Variants in EYA3 observed in about 807,000 individuals in gnomAD.
The protein encoded by EYA3 is protein phosphatase EYA3.
In EYA3, 39 loss-of-function variants were observed where a neutral mutation model predicts 80.0. The observed-to-expected ratio is 0.49, with a 90% confidence interval of 0.38 to 0.64. The LOEUF is 0.64. Ranked by LOEUF, EYA3 falls within the 30% of genes least tolerant of loss-of-function variation. The pLI, the probability that EYA3 is intolerant of heterozygous loss-of-function variation, is 0.00. For missense variants in EYA3, 523 were observed against 676.1 expected, an observed-to-expected ratio of 0.77 and a Z score of 2.51; for synonymous variants, 206 against 232.8, an observed-to-expected ratio of 0.88 and a Z score of 1.05.
Position 27,989,755 on chromosome 1 carries a change from C to T in EYA3, c.1360G>A (p.Val454Ile). Residue 454 changes from valine (V) to isoleucine (I), a missense_variant, in exon 15 of 18, where the codon GTT becomes ATT. Transcript: ENST00000373871. ...GTTCCTAACCAGGAATCTGTTAAAACTTCAATTTCTGCTCTTAATCTCTGC... is the reference window on the plus strand; with the variant it reads ...GTTCCTAACCAGGAATCTGTTAAAATTTCAATTTCTGCTCTTAATCTCTGC... ...ALQRLRAEIE[V>I]LTDSWLGTAL... 6.2e-7 allele frequency: 1 copy of T among 1,611,876 alleles called. No homozygotes were observed. The highest frequency in any genetic ancestry group is 8.5e-7 in the Non-Finnish European group (1 of 1,178,890).
intron 7 of EYA3, 69 bp from the exon 8 acceptor site, chr1:28,017,308 A>G: frequency 8.4e-7 from 1 of 1,183,896 alleles, no homozygotes; most frequent in Non-Finnish European, 1.2e-6. Context: ...CTGAAAATAG[A>G]TGTGTTTTAA....
intron 1 of EYA3, among the ~76,000 whole-genome samples, chr1:28,076,631 G>A (rs1198819000): frequency 1.8e-4 from 24 of 133,490 alleles, no homozygotes; most frequent in Admixed American, 8.2e-5. Flanking sequence ...TCGCACCACT[G>A]CACTCCAGCC....
chr1:28,033,742 T>G (rs1266772804), intron 6 of EYA3, among the ~76,000 whole-genome samples: 1 of 151,284 alleles, frequency 6.6e-6, no homozygotes, highest in Non-Finnish European at 1.5e-5. Flanking sequence ...GCAACTTCTG[T>G]CTCCCAGGTT....
At chr1:27,998,342 AG>A in intron 12 of EYA3, 4 of 985,046 alleles carry the variant, frequency 4.1e-6, no homozygotes, top group Non-Finnish European at 4.8e-6. Context: ...TTCCTGAGTG[AG>A]GACTATGTCT....
At position 27,988,622 on chromosome 1, in the gene EYA3, G is replaced by A. The variant is rs1639821913; in HGVS notation, c.1453C>T (p.Gln485Ter). 1 of 1,613,996 alleles carries A rather than the reference G, an allele frequency of 6.2e-7. No individual in the cohort carries two copies. Among genetic ancestry groups the A allele is most frequent in the African/African-American group, 1.3e-5 (1 of 74,918 alleles). ...ACCTTGGCCAGGGCTGGAACCAGCT[G>A]GGTGGTAGTGATCAGAACATTCACA... The part of the protein sequence containing the change: ...NCVNVLITTT[Q>*]LVPALAKVLL... The change falls in exon 16 of 18, where the codon CAG becomes TAG. Residue 485 changes from glutamine (Q) to a stop codon, truncating the protein, a stop_gained. Coordinates refer to ENST00000373871, the MANE Select transcript of EYA3 (RefSeq NM_001990.4). LOFTEE classifies it high-confidence loss of function.
chr1:28,017,088 A>G, intron 8 of EYA3, 66 bp downstream of exon 8: 1 of 1,385,024 alleles, frequency 7.2e-7, no homozygotes. Flanking sequence ...CAAATTGACC[A>G]TGGAAAGAAG....
At position 28,013,007 on chromosome 1, in the gene EYA3, G is replaced by A; in HGVS notation, c.769+104C>T. On this transcript the variant is annotated intron_variant, in intron 9 of 17. Transcript: ENST00000373871. The surrounding 1 kb of genome is among the most constrained non-coding windows in gnomAD (Gnocchi z 4.0). ...CCTCAGAGGGAAAGCCAAAAGCATGGTAACAATGACTTAAGACAGAACAAA... is the reference window on the plus strand; with the variant it reads ...CCTCAGAGGGAAAGCCAAAAGCATGATAACAATGACTTAAGACAGAACAAA... 1 of 1,265,306 alleles carries A rather than the reference G, an allele frequency of 7.9e-7. No homozygotes were observed. Among genetic ancestry groups the A allele is most frequent in the South Asian group, 1.4e-5 (1 of 68,996 alleles). The allele number at this position is 1,265,306 out of a possible 1,614,324, so 78.4% of individuals were successfully genotyped here. A position where few individuals can be genotyped will look rare whatever the true frequency, so the allele number is the denominator to read the frequency against.
At chr1:28,010,776 T>C (rs41307927) in intron 10 of EYA3, 171 bp downstream of exon 10, 25,098 of 660,538 alleles carry the variant, frequency 0.038, 672 homozygotes, top group Non-Finnish European at 0.048. Context: ...ACAGAATAAT[T>C]TGTTCTTTTT....
At chr1:27,985,909 C>T (rs955063415) in intron 16 of EYA3, among the ~76,000 whole-genome samples, 35 of 151,980 alleles carry the variant, frequency 2.3e-4, no homozygotes, top group African/African-American at 8.2e-4. Context: ...TCTCATTTTA[C>T]TTGAGAAAAC....
At chr1:28,008,350 T>TA in intron 10 of EYA3, among the ~76,000 whole-genome samples, 2 of 151,684 alleles carry the variant, frequency 1.3e-5, no homozygotes. Flanking sequence ...AAAAAATACA[T>TA]AAAAATCTTC....
rs562668687 is a variant in EYA3, at chr1:28,007,044, G to A, written c.910-2625C>T. Among the ~76,000 whole-genome samples the A allele has an allele frequency of 3.0e-4, 44 of 146,072 alleles. No individual in the cohort carries two copies. In the South Asian group the frequency reaches 7.9e-3, roughly 26 times the overall value. On this transcript the variant is annotated intron_variant, in intron 10 of 17. Coordinates refer to ENST00000373871, the MANE Select transcript of EYA3 (RefSeq NM_001990.4). ...CAACCTCCACCTCCTAGGTTCAAGC[G>A]ATTCTCCTGCCTCAGCCTCCCAAGT...
intron 3 of EYA3, among the ~76,000 whole-genome samples, chr1:28,044,655 T>C (rs1643935537): frequency 6.6e-6 from 1 of 152,232 alleles, no homozygotes; most frequent in Non-Finnish European, 1.5e-5. Context: ...ATGTTGCTTA[T>C]ATAAAAAATA....
intron 14 of EYA3, among the ~76,000 whole-genome samples, chr1:27,991,641 C>G (rs901194955): frequency 6.6e-6 from 1 of 152,116 alleles, no homozygotes; most frequent in African/African-American, 2.4e-5. Flanking sequence ...ACAATGTAAG[C>G]CTAGAATTAG....
chr1:28,014,408 A>G (rs1641894730), intron 8 of EYA3, among the ~76,000 whole-genome samples: 1 of 127,390 alleles, frequency 7.8e-6, no homozygotes, highest in African/African-American at 3.1e-5. Flanking sequence ...CCTAGGTGAC[A>G]CACTGTCTCA....
intron 13 of EYA3, among the ~76,000 whole-genome samples, chr1:27,995,275 G>C (rs971014577): frequency 6.6e-6 from 1 of 151,916 alleles, no homozygotes. Context: ...AGCTGGGTAT[G>C]GTGGCATGCG....
chr1:28,013,098 C>T lies in EYA3; in HGVS notation c.769+13G>A. 1 of 1,605,872 alleles carries T rather than the reference C, an allele frequency of 6.2e-7. No homozygotes were observed. The highest frequency in any genetic ancestry group is 8.5e-7 in the Non-Finnish European group (1 of 1,177,234). On this transcript the variant is annotated intron_variant, in intron 9 of 17. Transcript: ENST00000373871. This position sits in a 1 kb window ranked among gnomAD's most constrained non-coding sequence, Gnocchi z 4.0. ...TGACCTTAAGCCAAAGTTTTCAGAG[C>T]TGCGGTGCTTACCAGAGGAAAGTCT... is the stretch of plus-strand genomic sequence containing the variant.
At chr1:28,073,103 T>TTTTATATATATATATATATATATA (rs1447435853) in intron 1 of EYA3, among the ~76,000 whole-genome samples, 2 of 37,750 alleles carry the variant, frequency 5.3e-5, no homozygotes, top group African/African-American at 3.2e-4. Context: ...GATGAAACTA[T>TTTTATATATATATATATATATATA]TATATATATA....
At chr1:28,071,080 G>A (rs1253730398) in intron 1 of EYA3, among the ~76,000 whole-genome samples, 3 of 152,026 alleles carry the variant, frequency 2.0e-5, no homozygotes, top group Admixed American at 6.6e-5. Flanking sequence ...CTACCACCAC[G>A]CCCAGATAAT....
At chr1:28,040,152 CAAGT>C (rs1643695909) in intron 4 of EYA3, among the ~76,000 whole-genome samples, 1 of 152,100 alleles carries the variant, frequency 6.6e-6, no homozygotes, top group South Asian at 2.1e-4. Flanking sequence ...ATAGAAGAAT[CAAGT>C]AAGTAATATG....
Sources: allele counts gnomAD v4.1 joint callset (sites outside exome capture counted in the v4.1 genomes callset), GRCh38; gene constraint gnomAD v4.1.1; non-coding constraint Gnocchi (gnomAD v3.1); transcripts MANE v1.5; gene names NCBI Gene and HGNC (gene_info 2026-07-23, HGNC 2026-07-21).